ZNF804A: variants seen among roughly 807,000 people sequenced by gnomAD.
ZNF804A encodes zinc finger protein 804A.
Under a neutral mutation model 16.5 loss-of-function variants are expected in ZNF804A, and 2 were observed. The ratio of observed to expected loss-of-function variants is 0.12; its 90% CI spans 0.05 to 0.38. The LOEUF (loss-of-function observed/expected upper bound fraction) is 0.38, where lower values mean the gene tolerates loss of function less well. ZNF804A is among the 10% of genes least tolerant of loss of function. The pLI is 0.99. For synonymous variants in ZNF804A, 534 were observed against 489.6 expected, an observed-to-expected ratio of 1.09 and a Z score of -1.20; for missense variants, 1,473 against 1,390.7, an observed-to-expected ratio of 1.06 and a Z score of -0.94.
At chr2:184,817,795 G>A (rs1395387004) in intron 1 of ZNF804A, among the ~76,000 whole-genome samples, 1 of 151,852 alleles carries the variant, frequency 6.6e-6, no homozygotes, top group African/African-American at 2.4e-5. Context: ...ACTGAACAGA[G>A]GTAAGAATTA....
chr2:184,759,255 T>A (rs1694005139), intron 1 of ZNF804A, among the ~76,000 whole-genome samples: 1 of 151,522 alleles, frequency 6.6e-6, no homozygotes, highest in Non-Finnish European at 1.5e-5. Context: ...AAAGAGTGCA[T>A]TGTTAAAAAG....
chr2:184,786,275 C>G (rs1181697344), intron 1 of ZNF804A, among the ~76,000 whole-genome samples: 1 of 150,752 alleles, frequency 6.6e-6, no homozygotes, highest in Non-Finnish European at 1.5e-5. Context: ...AATAAGTTCT[C>G]TTGTTCAGGT....
At chr2:184,827,965 A>G (rs1285986116) in intron 1 of ZNF804A, among the ~76,000 whole-genome samples, 1 of 151,870 alleles carries the variant, frequency 6.6e-6, no homozygotes, top group Non-Finnish European at 1.5e-5. Context: ...ATACAGCATC[A>G]TTATAATCTC....
At chr2:184,706,127 T>C (rs1693027242) in intron 1 of ZNF804A, among the ~76,000 whole-genome samples, 1 of 152,150 alleles carries the variant, frequency 6.6e-6, no homozygotes, top group African/African-American at 2.4e-5. Context: ...ATTTTTTCAG[T>C]CATGTTCCTT....
At chr2:184,678,004 C>G (rs1041086622) in intron 1 of ZNF804A, among the ~76,000 whole-genome samples, 4 of 151,986 alleles carry the variant, frequency 2.6e-5, no homozygotes, top group Non-Finnish European at 5.9e-5. Flanking sequence ...AACCTTTTAA[C>G]ATCTTAGAAG....
At chr2:184,702,945 A>C (rs868154292) in intron 1 of ZNF804A, among the ~76,000 whole-genome samples, 1 of 152,090 alleles carries the variant, frequency 6.6e-6, no homozygotes, top group Admixed American at 6.5e-5. Flanking sequence ...ATACCTAACA[A>C]CTCAGTAAAT....
At chr2:184,714,158 G>A (rs560727357) in intron 1 of ZNF804A, among the ~76,000 whole-genome samples, 1 of 152,076 alleles carries the variant, frequency 6.6e-6, no homozygotes, top group Admixed American at 6.6e-5. Flanking sequence ...GTTGGAAAGT[G>A]GTTGATCTGC....
chr2:184,757,241 A>T (rs1158472308), intron 1 of ZNF804A, among the ~76,000 whole-genome samples: 3 of 152,026 alleles, frequency 2.0e-5, no homozygotes, highest in African/African-American at 4.8e-5. Flanking sequence ...ATTGAAATTC[A>T]TGTCAATGTG....
intron 2 of ZNF804A, among the ~76,000 whole-genome samples, chr2:184,912,861 A>G (rs1227317173): frequency 6.6e-6 from 1 of 152,042 alleles, no homozygotes; most frequent in South Asian, 2.1e-4. Flanking sequence ...TTTGCAAACA[A>G]TCCACCTATT....
chr2:184,924,922 T>G (rs530170415), intron 2 of ZNF804A, among the ~76,000 whole-genome samples: 3 of 152,024 alleles, frequency 2.0e-5, no homozygotes, highest in Non-Finnish European at 4.4e-5. Context: ...TTATTTCAAT[T>G]TTTTTTGATG....
At chr2:184,808,640 A>C (rs961963264) in intron 1 of ZNF804A, among the ~76,000 whole-genome samples, 1 of 151,452 alleles carries the variant, frequency 6.6e-6, no homozygotes, top group African/African-American at 2.4e-5. Context: ...GCACTAATAC[A>C]CTTTTATGCC....
chr2:184,867,626 G>A (rs1447968153), intron 2 of ZNF804A, among the ~76,000 whole-genome samples: 2 of 151,998 alleles, frequency 1.3e-5, no homozygotes, highest in Non-Finnish European at 2.9e-5. Context: ...TCCCCTGGTA[G>A]TAGATCTGTT....
chr2:184,811,260 A>C (rs1053787443), intron 1 of ZNF804A, among the ~76,000 whole-genome samples: 1 of 152,196 alleles, frequency 6.6e-6, no homozygotes. Context: ...GCTGTAGTGC[A>C]TACCGATGGC....
chr2:184,773,308 C>G (rs558425059), intron 1 of ZNF804A, among the ~76,000 whole-genome samples: 5 of 151,582 alleles, frequency 3.3e-5, no homozygotes, highest in African/African-American at 1.2e-4. Context: ...CAACCAATAC[C>G]TGTATCTCAC....
At chr2:184,900,611 A>G (rs563772464) in intron 2 of ZNF804A, among the ~76,000 whole-genome samples, 13 of 152,276 alleles carry the variant, frequency 8.5e-5, no homozygotes, top group Admixed American at 4.6e-4. Context: ...AAAAAACAGA[A>G]GCCAAATAAG....
At chr2:184,757,463 C>T (rs1693976437) in intron 1 of ZNF804A, among the ~76,000 whole-genome samples, 1 of 151,970 alleles carries the variant, frequency 6.6e-6, no homozygotes, top group Admixed American at 6.6e-5. Context: ...ATCTGTTCCT[C>T]TTAAATCAAT....
intron 2 of ZNF804A, among the ~76,000 whole-genome samples, chr2:184,918,057 T>C (rs1338261362): frequency 1.3e-5 from 2 of 152,122 alleles, no homozygotes; most frequent in South Asian, 2.1e-4. Context: ...TATTTTTCCA[T>C]TGATGTCAGT....
intron 1 of ZNF804A, among the ~76,000 whole-genome samples, chr2:184,760,965 A>G (rs551741218): frequency 1.3e-5 from 2 of 152,270 alleles, no homozygotes; most frequent in South Asian, 4.2e-4. Flanking sequence ...GTTAGCTACA[A>G]TTTAACTTGC....
intron 1 of ZNF804A, among the ~76,000 whole-genome samples, chr2:184,820,832 T>G (rs1371074200): frequency 2.0e-5 from 3 of 151,820 alleles, no homozygotes; most frequent in African/African-American, 7.3e-5. Flanking sequence ...ACAAAAATAA[T>G]AAAATACCTA....
Sources: allele counts gnomAD v4.1 joint callset (sites outside exome capture counted in the v4.1 genomes callset), GRCh38; gene constraint gnomAD v4.1.1; transcripts MANE v1.5; gene names NCBI Gene and HGNC (gene_info 2026-07-23, HGNC 2026-07-21).